DCAF8: variants seen among roughly 807,000 people sequenced by gnomAD.
The protein encoded by DCAF8 is DDB1 and CUL4 associated factor 8.
A neutral mutation model predicts 68.0 loss-of-function variants in DCAF8; 20 were observed. The ratio of observed to expected loss-of-function variants is 0.29; its 90% CI spans 0.21 to 0.43. The LOEUF (loss-of-function observed/expected upper bound fraction) is 0.43, where lower values mean the gene tolerates loss of function less well. Among genes scored for constraint, DCAF8 ranks in the 20% least tolerant of loss-of-function variants. DCAF8 has a pLI of 1.00. For synonymous variants in DCAF8, 230 were observed against 276.9 expected (o/e 0.83, Z 1.68); for missense variants, 460 against 771.0 (o/e 0.60, Z 4.78).
chr1:160,256,979 T>C (rs1656860927), intron 2 of DCAF8, among the ~76,000 whole-genome samples: 3 of 152,344 alleles, frequency 2.0e-5, no homozygotes, highest in Middle Eastern at 6.8e-3. Flanking sequence ...TTTCAAAGAC[T>C]TTCTACTCAC....
intron 2 of DCAF8, among the ~76,000 whole-genome samples, chr1:160,250,464 C>CAAAA (rs386368471): frequency 4.1e-4 from 27 of 66,538 alleles, no homozygotes; most frequent in African/African-American, 9.7e-4. Flanking sequence ...GAAACTGTCT[C>CAAAA]AAAAAAAAAA....
chr1:160,217,640 T>C lies in DCAF8; in HGVS notation c.1746A>G (p.Thr582=), dbSNP rs148174261. 2.2e-5 allele frequency: 35 copies of C among 1,614,020 alleles called. No homozygotes were observed. Among genetic ancestry groups the C allele is most frequent in the African/African-American group, 5.3e-5 (4 of 74,932 alleles). Residue 582 remains threonine, a synonymous_variant, in exon 14 of 14, where the codon ACA becomes ACG. Transcript: ENST00000368074. ...DSDESPSSSD[T]SDEEEGPDRV... The stretch of plus-strand genomic sequence containing the variant: ...GGTCAGGGCCCTCCTCCTCGTCCGA[T>C]GTGTCTGAGGAGCTGGGAGACTCAT...
Position 160,237,160 on chromosome 1 carries a change from C to A in DCAF8, c.934G>T (p.Asp312Tyr). 1 of 1,573,972 alleles carries A rather than the reference C, an allele frequency of 6.4e-7. No homozygotes were observed. Among genetic ancestry groups the A allele is most frequent in the Non-Finnish European group, 8.6e-7 (1 of 1,157,376 alleles). ...GACGCTGGGCGGTCTTGTCTCAGGT[C>A]AATGGTGAAAACAACTGCATCTTCA... ...AGEDAVVFTI[D>Y]LRQDRPASKL... The change falls in exon 6 of 14, where the codon GAC (aspartate) becomes TAC (tyrosine). Residue 312 changes from aspartate to tyrosine, a missense_variant. Around this residue, in one of 8 missense-constraint regions of DCAF8, gnomAD observed 170 missense variants for 318.2 expected, o/e 0.53. Transcript: ENST00000368074.
chr1:160,243,885 C>T (rs771039475), intron 3 of DCAF8, 75 bp downstream of exon 3: 1 of 1,483,580 alleles, frequency 6.7e-7, no homozygotes. Context: ...ATCCAGGCCT[C>T]CACTCTATCT....
intron 2 of DCAF8, among the ~76,000 whole-genome samples, chr1:160,255,494 T>C (rs1046691831): frequency 1.3e-5 from 2 of 152,238 alleles, no homozygotes; most frequent in African/African-American, 2.4e-5. Context: ...GCAATCACCA[T>C]GGATAATGAT....
At chr1:160,262,245 G>C (rs896482391) in intron 1 of DCAF8, 11 of 398,628 alleles carry the variant, frequency 2.8e-5, no homozygotes, top group Middle Eastern at 1.3e-3. Flanking sequence ...AGCGAGGGGG[G>C]GCGCAGGCCG....
chr1:160,252,042 CAG>C (rs766353311), intron 2 of DCAF8, among the ~76,000 whole-genome samples: 11 of 152,184 alleles, frequency 7.2e-5, no homozygotes, highest in South Asian at 2.1e-4. Flanking sequence ...AACCCAACTG[CAG>C]AGAGACTCTA....
At chr1:160,246,615 G>C (rs1271850699) in intron 2 of DCAF8, among the ~76,000 whole-genome samples, 1 of 152,314 alleles carries the variant, frequency 6.6e-6, no homozygotes, top group South Asian at 2.1e-4. Flanking sequence ...AGAACTGTGA[G>C]ACCCTTGTCT....
At chr1:160,223,763 A>T (rs1655374940) in intron 10 of DCAF8, among the ~76,000 whole-genome samples, 1 of 152,084 alleles carries the variant, frequency 6.6e-6, no homozygotes, top group Non-Finnish European at 1.5e-5. Context: ...CCAGGTGTAG[A>T]GGCATGCACC....
intron 2 of DCAF8, among the ~76,000 whole-genome samples, chr1:160,260,500 T>C (rs1231731866): frequency 2.6e-5 from 4 of 152,162 alleles, no homozygotes; most frequent in Admixed American, 2.0e-4. Context: ...ATATTAGGAA[T>C]TGGCCAGGCC....
At chr1:160,230,432 G>A (rs114946237) in intron 7 of DCAF8, among the ~76,000 whole-genome samples, 3,017 of 152,182 alleles carry the variant, frequency 0.02, 38 homozygotes, top group Non-Finnish European at 0.031. Context: ...TAATACATAT[G>A]GAGACTGAAT....
chr1:160,243,594 T>C (rs1290326033), intron 3 of DCAF8, among the ~76,000 whole-genome samples: 1 of 152,020 alleles, frequency 6.6e-6, no homozygotes, highest in East Asian at 1.9e-4. Flanking sequence ...GACCTCTCAA[T>C]ATAACTGGGA....
chr1:160,261,005 G>T (rs1571121040), intron 2 of DCAF8, among the ~76,000 whole-genome samples: 2 of 152,118 alleles, frequency 1.3e-5, no homozygotes, highest in Admixed American at 6.5e-5. Context: ...CAAGGAAAAT[G>T]AATAAAGAAG....
At chr1:160,226,737 CA>C (rs1260546979) in intron 7 of DCAF8, among the ~76,000 whole-genome samples, 1 of 152,218 alleles carries the variant, frequency 6.6e-6, no homozygotes, top group East Asian at 1.9e-4. Flanking sequence ...GAACAATCAA[CA>C]TTCAATATTT....
chr1:160,244,012 G>A lies in DCAF8; in HGVS notation c.-4C>T. On this transcript the variant is annotated 5_prime_UTR_variant, in exon 3 of 14. Coordinates refer to ENST00000368074, the MANE Select transcript of DCAF8 (RefSeq NM_015726.4). ...TGCTGCTCCCTTTGCTGGACATCTT[G>A]AATGATGTTTGCTGTAGCCAGCCTG... 2 of 1,614,118 alleles carry A rather than the reference G, an allele frequency of 1.2e-6. No homozygotes were observed. The highest frequency in any genetic ancestry group is 1.7e-6 in the Non-Finnish European group (2 of 1,180,004).
chr1:160,231,153 A>C, intron 7 of DCAF8, 144 bp downstream of exon 7: 1 of 644,346 alleles, frequency 1.6e-6, no homozygotes, highest in East Asian at 2.6e-5. Context: ...AAGGCGTGTA[A>C]GATTTTTGGA....
At chr1:160,233,847 G>C (rs1327128283) in intron 6 of DCAF8, among the ~76,000 whole-genome samples, 1 of 152,056 alleles carries the variant, frequency 6.6e-6, no homozygotes, top group Non-Finnish European at 1.5e-5. Context: ...AACTCTGCAG[G>C]GGGCATGCAG....
chr1:160,224,879 C>A (rs1189856908), intron 9 of DCAF8, among the ~76,000 whole-genome samples, 183 bp downstream of exon 9: 1 of 152,222 alleles, frequency 6.6e-6, no homozygotes, highest in Non-Finnish European at 1.5e-5. Context: ...TGGTACCTGG[C>A]ATCTCCAAGG....
At chr1:160,259,078 T>C (rs1452848772) in intron 2 of DCAF8, among the ~76,000 whole-genome samples, 1 of 152,204 alleles carries the variant, frequency 6.6e-6, no homozygotes, top group Non-Finnish European at 1.5e-5. Context: ...AAACCTAAAA[T>C]GGTCACTGGT....
Sources: allele counts gnomAD v4.1 joint callset (sites outside exome capture counted in the v4.1 genomes callset), GRCh38; gene constraint gnomAD v4.1.1; regional missense constraint gnomAD v4.1.1; transcripts MANE v1.5; gene names NCBI Gene and HGNC (gene_info 2026-07-23, HGNC 2026-07-21).